HMCN1: variants seen among roughly 807,000 people sequenced by gnomAD.
HMCN1 encodes the protein hemicentin 1.
HMCN1 carries 321 observed loss-of-function variants against 625.9 expected under a neutral mutation model. That is an observed-to-expected ratio of 0.51 (90% CI 0.47 to 0.56). HMCN1 has a LOEUF of 0.56. Ranked by LOEUF, HMCN1 falls within the 20% of genes least tolerant of loss-of-function variation. The pLI is 0.00. For missense variants in HMCN1, 6,588 were observed against 6,887.3 expected (o/e 0.96, Z 1.54); for synonymous variants, 2,425 against 2,417.6 (o/e 1.00, Z -0.09).
rs1047486567 is a variant in HMCN1 at position 186,182,149 on chromosome 1, C to T, written c.16295-19C>T. ...TTTTTTCTTGTGTAGTGATAACTCT[C>T]TGTCTTCTTCCTGAACAGATATTGA... is the stretch of plus-strand genomic sequence containing the variant. On this transcript the variant is annotated intron_variant, in intron 104 of 106. Coordinates refer to ENST00000271588, the MANE Select transcript of HMCN1 (RefSeq NM_031935.3). The T allele has an allele frequency of 6.2e-7, 1 of 1,612,602 alleles. No homozygotes were observed.
rs1464378938 is a variant in HMCN1, at chr1:186,000,259, T to G, written c.4069+20T>G. ...TCCATGGTAAATGTAGCTAAAATCA[T>G]GTAACTGACTGTTTGCCAGTCTCCA... On this transcript the variant is annotated intron_variant, in intron 26 of 106. Transcript: ENST00000271588. 1 of 1,563,316 alleles carries G rather than the reference T, an allele frequency of 6.4e-7. No homozygotes were observed. The highest frequency in any genetic ancestry group is 8.8e-7 in the Non-Finnish European group (1 of 1,134,618).
chr1:186,093,776 C>T (rs1293044150), intron 66 of HMCN1, 107 bp downstream of exon 66: 10 of 1,446,996 alleles, frequency 6.9e-6, no homozygotes, highest in East Asian at 2.3e-5. Context: ...TAAGCCTTTA[C>T]AGTTTTTTTC....
chr1:186,146,029 G>GAAAA, intron 93 of HMCN1, 106 bp downstream of exon 93: 11 of 874,110 alleles, frequency 1.3e-5, no homozygotes, highest in Admixed American at 2.4e-5. Flanking sequence ...GGTGGAATTA[G>GAAAA]AAAAAAAAAA....
intron 34 of HMCN1, 84 bp downstream of exon 34, chr1:186,018,436 A>T (rs988913102): frequency 7.3e-5 from 94 of 1,281,328 alleles, no homozygotes; most frequent in Non-Finnish European, 1.0e-4. Flanking sequence ...GTAGCTCAAT[A>T]ATGTGAATAA....
chr1:185,777,227 C>T (rs866163129), intron 1 of HMCN1, among the ~76,000 whole-genome samples: 38 of 151,176 alleles, frequency 2.5e-4, no homozygotes, highest in Middle Eastern at 3.5e-3. Context: ...ATGGAAATTT[C>T]GTGCTGTCTC....
At chr1:186,068,409 G>A (rs1253904000) in intron 50 of HMCN1, among the ~76,000 whole-genome samples, 2 of 152,104 alleles carry the variant, frequency 1.3e-5, no homozygotes, top group African/African-American at 4.8e-5. Flanking sequence ...AATAGATAAT[G>A]CAAATAAAAA....
intron 80 of HMCN1, among the ~76,000 whole-genome samples, chr1:186,121,301 C>G (rs1290938672): frequency 1.3e-5 from 2 of 152,126 alleles, no homozygotes; most frequent in African/African-American, 4.8e-5. Flanking sequence ...AAGGGCTTAT[C>G]CAGGACTCTC....
intron 77 of HMCN1, among the ~76,000 whole-genome samples, chr1:186,118,229 A>G (rs1390098583): frequency 6.6e-6 from 1 of 152,154 alleles, no homozygotes; most frequent in Non-Finnish European, 1.5e-5. Flanking sequence ...AACTTATCCT[A>G]CACTGGGGAA....
At chr1:185,880,482 CCTGGAAAA>C (rs1253896680) in intron 4 of HMCN1, among the ~76,000 whole-genome samples, 1 of 152,120 alleles carries the variant, frequency 6.6e-6, no homozygotes, top group Non-Finnish European at 1.5e-5. Flanking sequence ...CTTCCTTAAT[CCTGGAAAA>C]CTTTCCAGCC....
At chr1:185,906,002 T>G (rs1027012168) in intron 4 of HMCN1, among the ~76,000 whole-genome samples, 3 of 151,778 alleles carry the variant, frequency 2.0e-5, no homozygotes, top group Non-Finnish European at 3.0e-5. Flanking sequence ...TTAAAAAGCT[T>G]TTGTGTTGAT....
At position 185,995,104 on chromosome 1, in the gene HMCN1, G is replaced by T; in HGVS notation, c.3778+17G>T. 1 of 1,611,190 alleles carries T rather than the reference G, an allele frequency of 6.2e-7. No homozygotes were observed. Among genetic ancestry groups the T allele is most frequent in the Non-Finnish European group, 8.5e-7 (1 of 1,177,486 alleles). On this transcript the variant is annotated intron_variant, in intron 24 of 106. Coordinates refer to ENST00000271588, the MANE Select transcript of HMCN1 (RefSeq NM_031935.3). ...ATGTCCAAGGTGATTCTTGACACAG[G>T]AAAATATATGTATGTAGGGTGGGGA... is the stretch of plus-strand genomic sequence containing the variant.
At chr1:185,992,429 A>G (rs1256049635) in intron 22 of HMCN1, among the ~76,000 whole-genome samples, 1 of 152,140 alleles carries the variant, frequency 6.6e-6, no homozygotes, top group African/African-American at 2.4e-5. Context: ...AATTTTGTAA[A>G]TAATATCAGG....
chr1:185,779,056 T>C (rs1221692652), intron 1 of HMCN1, among the ~76,000 whole-genome samples: 1 of 152,242 alleles, frequency 6.6e-6, no homozygotes, highest in Non-Finnish European at 1.5e-5. Flanking sequence ...TGTGAGATGG[T>C]ATCTCATTGT....
chr1:185,898,549 G>T (rs918652700), intron 4 of HMCN1, among the ~76,000 whole-genome samples: 1 of 152,100 alleles, frequency 6.6e-6, no homozygotes, highest in African/African-American at 2.4e-5. Context: ...GCTCATAGGT[G>T]TCTTGGTAGA....
At chr1:185,976,439 CT>C (rs1225704903) in intron 15 of HMCN1, among the ~76,000 whole-genome samples, 7 of 152,094 alleles carry the variant, frequency 4.6e-5, no homozygotes, top group Non-Finnish European at 8.8e-5. Flanking sequence ...ATTAATGCTG[CT>C]TGAGAGACAA....
intron 97 of HMCN1, among the ~76,000 whole-genome samples, chr1:186,161,364 C>T (rs912681649): frequency 1.3e-5 from 2 of 149,916 alleles, no homozygotes; most frequent in African/African-American, 5.1e-5. Flanking sequence ...TGGGTCTTGT[C>T]TCTTTATCCA....
In HMCN1 at chr1:185,890,277, AT is replaced by A. The variant is rs1244841962; in HGVS notation, c.622-19054del. ...AAAAAACCAGCTCCTGGATTCATTA[AT>A]TTTTTGAAAGGTTTTTTGTGTCTCA... On this transcript the variant is annotated intron_variant, in intron 4 of 106. Transcript: ENST00000271588. Among the ~76,000 whole-genome samples the A allele has an allele frequency of 9.5e-5, 14 of 148,124 alleles. No individual in the cohort carries two copies. The East Asian group carries it at 2.5e-3, about 27-fold the overall frequency.
At chr1:185,942,434 T>C (rs577609190) in intron 11 of HMCN1, among the ~76,000 whole-genome samples, 5 of 152,104 alleles carry the variant, frequency 3.3e-5, no homozygotes. Flanking sequence ...AAAACGATAC[T>C]CCTTTCTCAA....
intron 11 of HMCN1, among the ~76,000 whole-genome samples, chr1:185,937,074 C>A (rs16824765): frequency 6.6e-6 from 1 of 152,032 alleles, no homozygotes; most frequent in South Asian, 2.1e-4. Context: ...CAAAACAAGG[C>A]GGTCAGGGAA....
Sources: gnomAD v4.1 joint callset for allele counts (sites outside exome capture counted in the v4.1 genomes callset) on GRCh38, gnomAD v4.1.1 for gene constraint, MANE v1.5 for transcripts, NCBI Gene and HGNC (gene_info 2026-07-23, HGNC 2026-07-21) for gene names.